Variants in ZMYND12 observed in about 807,000 individuals in gnomAD.
ZMYND12 encodes zinc finger MYND-type containing 12.
In ZMYND12, 32 loss-of-function variants were observed where a neutral mutation model predicts 41.7. That is an observed-to-expected ratio of 0.77 (90% confidence interval 0.58 to 1.03). The LOEUF (loss-of-function observed/expected upper bound fraction) is 1.03, where lower values mean the gene tolerates loss of function less well. Among genes scored for constraint, ZMYND12 ranks in the 50% least tolerant of loss-of-function variants. ZMYND12 has a pLI of 0.00. For synonymous variants in ZMYND12, 148 were observed against 164.8 expected (o/e 0.90, Z 0.78); for missense variants, 424 against 438.5 (o/e 0.97, Z 0.30).
In ZMYND12 at chr1:42,449,926, G is replaced by C. The variant is rs750791262; in HGVS notation, c.244C>G (p.Gln82Glu). The change falls in exon 2 of 8, where the codon CAG becomes GAG. Residue 82 changes from glutamine (Q) to glutamate (E), a missense_variant. Physicochemically the swap from Gln to Glu is conservative, Grantham distance 29 (BLOSUM62 2). Transcript: ENST00000372565. ...ERQHGLQQLQQRQKYLIEFCY... is the reference protein window; with the variant it reads ...ERQHGLQQLQERQKYLIEFCY... The stretch of plus-strand genomic sequence containing the variant: ...AGTGCCGTAGGCCCTACCTGCCGCT[G>C]CTGCAGCTGCTGCAGGCCATGCTGC... 5.0e-6 allele frequency: 8 copies of C among 1,611,556 alleles called. No individual in the cohort carries two copies. The Admixed American group carries it at 1.3e-4, about 27-fold the overall frequency.
chr1:42,446,570 T>C (rs1643026279), intron 3 of ZMYND12, among the ~76,000 whole-genome samples: 1 of 151,358 alleles, frequency 6.6e-6, no homozygotes, highest in South Asian at 2.1e-4. Context: ...GAGAATTGCT[T>C]GAACCAGGGA....
At chr1:42,442,868 C>T (rs1302242057) in intron 3 of ZMYND12, among the ~76,000 whole-genome samples, 1 of 152,182 alleles carries the variant, frequency 6.6e-6, no homozygotes, top group African/African-American at 2.4e-5. Context: ...TGGGAAACTA[C>T]TAGATTAGGA....
At position 42,449,289 on chromosome 1, in the gene ZMYND12, C is replaced by G. The variant is rs113232438; in HGVS notation, c.252+629G>C. On this transcript the variant is annotated intron_variant, in intron 2 of 7. Transcript: ENST00000372565. ...TTCAGTAGTATATCCATACATCATT[C>G]TTAACCCTCCTATTATGTGGCCAGA... Among the ~76,000 whole-genome samples the G allele has an allele frequency of 6.1e-3, 924 of 152,246 alleles. 6 individuals carry two copies. The highest frequency in any genetic ancestry group is 0.021 in the African/African-American group (862 of 41,546).
At chr1:42,445,856 C>T (rs1643019061) in intron 3 of ZMYND12, among the ~76,000 whole-genome samples, 2 of 152,224 alleles carry the variant, frequency 1.3e-5, no homozygotes, top group African/African-American at 4.8e-5. Context: ...AGTTAGTAGG[C>T]AGTGGTCTAG....
Position 42,430,725 on chromosome 1 carries a change from C to T in ZMYND12, c.*11G>A, listed in dbSNP as rs1303923283. The T allele has an allele frequency of 1.9e-6, 3 of 1,613,914 alleles. No individual in the cohort carries two copies. The highest frequency in any genetic ancestry group is 1.7e-5 in the Admixed American group (1 of 60,026). The stretch of plus-strand genomic sequence containing the variant: ...CCCTGGAATAACCCTTGATGCAGAG[C>T]TCATGGGTCACTAAGTAATGGGATG... On this transcript the variant is annotated 3_prime_UTR_variant, in exon 8 of 8. Transcript: ENST00000372565.
intron 4 of ZMYND12, among the ~76,000 whole-genome samples, chr1:42,437,437 GCTCTGT>G (rs1321245151): frequency 1.1e-5 from 1 of 91,406 alleles, no homozygotes; most frequent in African/African-American, 4.2e-5. Context: ...TATCAATAAA[GCTCTGT>G]GTGTGTGTGT....
At position 42,449,914 on chromosome 1, in the gene ZMYND12, C is replaced by G; in HGVS notation, c.252+4G>C. ...TTAACCTTGGAAAGTGCCGTAGGCCCTACCTGCCGCTGCTGCAGCTGCTGC... is the reference window on the plus strand; with the variant it reads ...TTAACCTTGGAAAGTGCCGTAGGCCGTACCTGCCGCTGCTGCAGCTGCTGC... On this transcript the variant is annotated splice_donor_region_variant and intron_variant, in intron 2 of 7. Transcript: ENST00000372565. The G allele has an allele frequency of 1.9e-6, 3 of 1,610,234 alleles. No individual in the cohort carries two copies. The highest frequency in any genetic ancestry group is 2.5e-6 in the Non-Finnish European group (3 of 1,179,970).
chr1:42,455,165 G>C (rs894079157), intron 1 of ZMYND12, among the ~76,000 whole-genome samples: 1 of 152,242 alleles, frequency 6.6e-6, no homozygotes, highest in Non-Finnish European at 1.5e-5. Flanking sequence ...TGCCCTAGCA[G>C]TCCCGGATGC....
At position 42,433,144 on chromosome 1, in the gene ZMYND12, T is replaced by C; in HGVS notation, c.974A>G (p.Lys325Arg). Residue 325 changes from lysine (K) to arginine (R), a missense_variant and splice_region_variant, in exon 7 of 8, where the codon AAG becomes AGG. Coordinates refer to ENST00000372565, the MANE Select transcript of ZMYND12 (RefSeq NM_032257.5). ...MFYYLMMNSS[K>R]AQEYGMRALS... ...TGTTGCTTTTTTAGGGAAACTTGCC[T>C]TTGAAGAATTCATCATCAGGTAGTA... The C allele has an allele frequency of 1.2e-6, 2 of 1,605,950 alleles. No individual in the cohort carries two copies. The highest frequency in any genetic ancestry group is 1.7e-6 in the Non-Finnish European group (2 of 1,177,630).
intron 7 of ZMYND12, among the ~76,000 whole-genome samples, chr1:42,431,458 A>T (rs1359601889): frequency 1.3e-5 from 2 of 152,194 alleles, no homozygotes; most frequent in African/African-American, 4.8e-5. Flanking sequence ...GAAAAAAATA[A>T]AGCATGAAAG....
At chr1:42,432,156 A>G (rs532505449) in intron 7 of ZMYND12, among the ~76,000 whole-genome samples, 1 of 150,730 alleles carries the variant, frequency 6.6e-6, no homozygotes, top group Non-Finnish European at 1.5e-5. Context: ...TCCTGGGCTC[A>G]AGTAATCCTC....
chr1:42,448,686 C>A, intron 2 of ZMYND12, 48 bp from the exon 3 acceptor site: 2 of 1,539,164 alleles, frequency 1.3e-6, no homozygotes, highest in South Asian at 1.2e-5. Flanking sequence ...AAGTTAAAGG[C>A]AAAGGTGGAT....
intron 5 of ZMYND12, 55 bp downstream of exon 5, chr1:42,436,366 T>C (rs974440762): frequency 6.2e-7 from 1 of 1,606,056 alleles, no homozygotes; most frequent in African/African-American, 1.3e-5. Flanking sequence ...CTAATACAAG[T>C]TGTAAGACAC....
chr1:42,455,751 G>A, intron 1 of ZMYND12, 137 bp downstream of exon 1: 2 of 619,840 alleles, frequency 3.2e-6, no homozygotes, highest in Middle Eastern at 2.7e-4. Flanking sequence ...GGAGTCTTAG[G>A]GGCCTGTCTT....
At chr1:42,447,938 G>A (rs1643040679) in intron 3 of ZMYND12, among the ~76,000 whole-genome samples, 1 of 152,134 alleles carries the variant, frequency 6.6e-6, no homozygotes, top group Admixed American at 6.5e-5. Context: ...CTCAAGCCAT[G>A]TCAACAAAAT....
chr1:42,444,852 T>C (rs1404741864), intron 3 of ZMYND12, among the ~76,000 whole-genome samples: 1 of 137,920 alleles, frequency 7.3e-6, no homozygotes, highest in Non-Finnish European at 1.6e-5. Flanking sequence ...TCACCCAGGC[T>C]GGAGTGCAGT....
intron 3 of ZMYND12, among the ~76,000 whole-genome samples, chr1:42,444,959 C>T (rs1046835168): frequency 6.6e-6 from 1 of 151,490 alleles, no homozygotes; most frequent in African/African-American, 2.4e-5. Flanking sequence ...AGGCACCCGC[C>T]ACCACGCCCG....
chr1:42,450,102 T>C (rs373536601), intron 1 of ZMYND12, 43 bp from the exon 2 acceptor site: 29 of 1,604,608 alleles, frequency 1.8e-5, no homozygotes, highest in Non-Finnish European at 2.3e-5. Context: ...ATATTTGGCA[T>C]GACTTAAGAT....
intron 4 of ZMYND12, among the ~76,000 whole-genome samples, chr1:42,437,414 AT>A (rs1000071534): frequency 2.0e-5 from 3 of 149,104 alleles, no homozygotes; most frequent in African/African-American, 7.5e-5. Context: ...AAATGGGTGA[AT>A]TTTATGGTAT....
Sources: gnomAD v4.1 joint callset for allele counts (sites outside exome capture counted in the v4.1 genomes callset) on GRCh38, gnomAD v4.1.1 for gene constraint, MANE v1.5 for transcripts, NCBI Gene and HGNC (gene_info 2026-07-23, HGNC 2026-07-21) for gene names.